FBXL20: variants seen among roughly 807,000 people sequenced by gnomAD.
FBXL20 encodes F-box/LRR-repeat protein 20.
A neutral mutation model predicts 64.0 loss-of-function variants in FBXL20; 11 were observed. The ratio of observed to expected loss-of-function variants is 0.17; its 90% CI spans 0.11 to 0.28. The LOEUF (loss-of-function observed/expected upper bound fraction) is 0.28. Ranked by LOEUF, FBXL20 falls within the 10% of genes least tolerant of loss-of-function variation. FBXL20 has a pLI of 1.00. For missense variants in FBXL20, 303 were observed against 526.2 expected (o/e 0.58, Z 4.15); for synonymous variants, 184 against 189.0 (o/e 0.97, Z 0.22).
chr17:39,353,413 T>A lies in FBXL20; in HGVS notation c.43-10172A>T, dbSNP rs187610598. ...ACTTTATTCCAGTATACTGTTATAA[T>A]TGTTCTATTTTATTAGTTATTTTTG... On this transcript the variant is annotated intron_variant, in intron 1 of 14. Transcript: ENST00000264658. Among the ~76,000 whole-genome samples, 143 of 152,254 alleles carry A rather than the reference T, an allele frequency of 9.4e-4. 2 individuals carry two copies. The highest frequency in any genetic ancestry group is 3.4e-3 in the Middle Eastern group (1 of 294).
At chr17:39,401,337 C>T in intron 1 of FBXL20, 24 bp downstream of exon 1, 1 of 1,612,146 alleles carries the variant, frequency 6.2e-7, no homozygotes, top group East Asian at 2.2e-5. Flanking sequence ...CTCCTCACGC[C>T]GCCCGAGCCC....
intron 1 of FBXL20, among the ~76,000 whole-genome samples, chr17:39,380,663 ACT>A (rs1321562493): frequency 2.6e-5 from 4 of 151,688 alleles, no homozygotes; most frequent in African/African-American, 9.7e-5. Flanking sequence ...CATATTATTT[ACT>A]CTTTTATGTT....
chr17:39,283,138 C>A (rs2046961744), intron 7 of FBXL20, among the ~76,000 whole-genome samples: 1 of 152,132 alleles, frequency 6.6e-6, no homozygotes, highest in Non-Finnish European at 1.5e-5. Flanking sequence ...TATCTCAAAG[C>A]TCTCTAGACA....
chr17:39,322,897 C>T (rs958211438), intron 2 of FBXL20, among the ~76,000 whole-genome samples: 90 of 147,720 alleles, frequency 6.1e-4, no homozygotes, highest in African/African-American at 2.1e-3. Flanking sequence ...CTCCGCCTCC[C>T]GGGTTCACAC....
At chr17:39,265,540 C>T (rs2046783149) in intron 12 of FBXL20, 87 bp from the exon 13 acceptor site, 21 of 1,009,104 alleles carry the variant, frequency 2.1e-5, no homozygotes, top group Non-Finnish European at 3.0e-5. Flanking sequence ...TAGTCTTGCT[C>T]TGTTGCCCAG....
intron 8 of FBXL20, 102 bp downstream of exon 8, chr17:39,282,627 A>G: frequency 6.6e-7 from 1 of 1,509,698 alleles, no homozygotes; most frequent in East Asian, 2.3e-5. Flanking sequence ...AATACACACA[A>G]CTAACCTTTC....
At chr17:39,324,510 G>T (rs189967631) in intron 2 of FBXL20, among the ~76,000 whole-genome samples, 10 of 152,070 alleles carry the variant, frequency 6.6e-5, no homozygotes, top group Admixed American at 4.6e-4. Flanking sequence ...GGCTGGTCTC[G>T]AACTCCTGAC....
chr17:39,401,997 C>A (rs542958620), upstream of FBXL20: 3 of 528,006 alleles, frequency 5.7e-6, no homozygotes, highest in South Asian at 3.1e-4. Flanking sequence ...TGCGCGGGGG[C>A]CCCTCTTCTG....
intron 1 of FBXL20, among the ~76,000 whole-genome samples, chr17:39,394,559 TTTC>T (rs1364078343): frequency 2.0e-5 from 3 of 149,794 alleles, no homozygotes; most frequent in Non-Finnish European, 3.0e-5. Context: ...TTACAGAATT[TTTC>T]TTTTCTTTTT....
At chr17:39,348,712 A>T (rs1052073006) in intron 1 of FBXL20, among the ~76,000 whole-genome samples, 2 of 152,182 alleles carry the variant, frequency 1.3e-5, no homozygotes, top group African/African-American at 4.8e-5. Flanking sequence ...ACATGTTCTT[A>T]CTTTTGAGAC....
chr17:39,269,643 C>T lies in FBXL20; in HGVS notation c.889-772G>A, dbSNP rs376696949. ...CCTCCCAAGTAGCTGGGATTACAGGCATGCGCCACCATCACCGGCTAATTT... is the reference window on the plus strand; with the variant it reads ...CCTCCCAAGTAGCTGGGATTACAGGTATGCGCCACCATCACCGGCTAATTT... On this transcript the variant is annotated intron_variant, in intron 11 of 14. Coordinates refer to ENST00000264658, the MANE Select transcript of FBXL20 (RefSeq NM_032875.3). 2.0e-5 allele frequency among the ~76,000 whole-genome samples: 3 copies of T among 152,116 alleles called. No homozygotes were observed. The South Asian group carries it at 6.2e-4, about 32-fold the overall frequency.
At chr17:39,365,456 T>C (rs574809496) in intron 1 of FBXL20, among the ~76,000 whole-genome samples, 4 of 152,258 alleles carry the variant, frequency 2.6e-5, no homozygotes, top group South Asian at 2.1e-4. Flanking sequence ...AAGAAATCAC[T>C]AGATAAAAAC....
At chr17:39,355,151 T>C (rs776056174) in intron 1 of FBXL20, among the ~76,000 whole-genome samples, 8 of 151,932 alleles carry the variant, frequency 5.3e-5, no homozygotes, top group Non-Finnish European at 1.0e-4. Context: ...GGCTGGTCTC[T>C]TAACTCCTGA....
intron 2 of FBXL20, among the ~76,000 whole-genome samples, chr17:39,315,236 CG>C (rs909835571): frequency 6.6e-6 from 1 of 151,798 alleles, no homozygotes; most frequent in Non-Finnish European, 1.5e-5. Flanking sequence ...CTAGGGAGTG[CG>C]AATTGGTACC....
chr17:39,314,487 TA>T (rs1434619428), intron 2 of FBXL20, among the ~76,000 whole-genome samples: 1 of 152,090 alleles, frequency 6.6e-6, no homozygotes, highest in Non-Finnish European at 1.5e-5. Context: ...TAGCTGAGAT[TA>T]CAGGCACAAG....
intron 1 of FBXL20, among the ~76,000 whole-genome samples, chr17:39,352,773 T>G (rs2047700142): frequency 6.6e-6 from 1 of 152,040 alleles, no homozygotes; most frequent in Admixed American, 6.6e-5. Context: ...TACTAAGTAC[T>G]AAACAGGAAA....
chr17:39,286,458 G>A (rs1320977990), intron 6 of FBXL20, among the ~76,000 whole-genome samples: 1 of 152,014 alleles, frequency 6.6e-6, no homozygotes. Flanking sequence ...CAAGTGTTCC[G>A]CGTGCCTCAG....
At chr17:39,301,950 G>T (rs2047140098) in intron 3 of FBXL20, among the ~76,000 whole-genome samples, 1 of 121,752 alleles carries the variant, frequency 8.2e-6, no homozygotes, top group South Asian at 2.6e-4. Flanking sequence ...AATTAGAGAA[G>T]TTAAGGAAAG....
chr17:39,303,713 G>T (rs2047157862), intron 2 of FBXL20, 74 bp from the exon 3 acceptor site: 2 of 1,326,610 alleles, frequency 1.5e-6, no homozygotes, highest in African/African-American at 1.5e-5. Flanking sequence ...TTGAGACAGG[G>T]TCTCACTCTG....
Sources: gnomAD v4.1 joint callset for allele counts (sites outside exome capture counted in the v4.1 genomes callset) on GRCh38, gnomAD v4.1.1 for gene constraint, MANE v1.5 for transcripts, NCBI Gene and HGNC (gene_info 2026-07-23, HGNC 2026-07-21) for gene names.